Variants in PPARGC1A observed in about 807,000 individuals in gnomAD.
PPARGC1A encodes the protein PPARG coactivator 1 alpha.
A neutral mutation model predicts 88.7 loss-of-function variants in PPARGC1A; 25 were observed. The ratio of observed to expected loss-of-function variants is 0.28; its 90% CI spans 0.21 to 0.39. The LOEUF (loss-of-function observed/expected upper bound fraction) is 0.39, where lower values mean the gene tolerates loss of function less well. PPARGC1A is among the 10% of genes least tolerant of loss of function. The probability of loss-of-function intolerance (pLI) is 1.00; values close to 1 mark genes in which losing one functional copy is unlikely to be tolerated. For synonymous variants in PPARGC1A, 363 were observed against 355.6 expected (o/e 1.02, Z -0.24); for missense variants, 880 against 968.7 (o/e 0.91, Z 1.22).
chr4:23,847,704 C>T (rs1174804056), intron 2 of PPARGC1A, among the ~76,000 whole-genome samples: 1 of 152,086 alleles, frequency 6.6e-6, no homozygotes, highest in Non-Finnish European at 1.5e-5. Context: ...GAAACATAGC[C>T]ATTAAATATT....
At chr4:24,370,962 G>C in the PPARGC1A span, among the ~76,000 whole-genome samples, 2 of 151,688 alleles carry the variant, frequency 1.3e-5, no homozygotes, top group Non-Finnish European at 2.9e-5. Flanking sequence ...CCTGGTGTGT[G>C]ATGTTCCCCT....
chr4:24,471,677 G>A, the PPARGC1A span, among the ~76,000 whole-genome samples: 3 of 152,216 alleles, frequency 2.0e-5, no homozygotes, highest in Admixed American at 2.0e-4. The surrounding 1 kb of genome is among the most constrained non-coding windows in gnomAD (Gnocchi z 5.4). Flanking sequence ...ACACCGACAC[G>A]CACACCTACA....
At chr4:23,814,732 G>A in intron 7 of PPARGC1A, 127 bp from the exon 8 acceptor site, 1 of 877,206 alleles carries the variant, frequency 1.1e-6, no homozygotes, top group Non-Finnish European at 1.6e-6. Flanking sequence ...CAAACTGAGT[G>A]AAGAAGAAGG....
intron 2 of PPARGC1A, 128 bp from the exon 3 acceptor site, chr4:23,831,879 G>A: frequency 1.4e-6 from 1 of 726,610 alleles, no homozygotes; most frequent in South Asian, 1.8e-5. Flanking sequence ...AGAACACAAA[G>A]ATCATGTCTT....
chr4:24,139,513 T>C, the PPARGC1A span, among the ~76,000 whole-genome samples: 3 of 152,186 alleles, frequency 2.0e-5, no homozygotes, highest in South Asian at 2.1e-4. Context: ...AAACATTTTT[T>C]ACAGACAATA....
chr4:24,102,503 G>A, the PPARGC1A span, among the ~76,000 whole-genome samples: 3 of 152,146 alleles, frequency 2.0e-5, no homozygotes, highest in Admixed American at 2.0e-4. Flanking sequence ...TTTCTTCCAG[G>A]GTCCCCTTTG....
At chr4:23,936,609 C>A in the PPARGC1A span, among the ~76,000 whole-genome samples, 1 of 152,078 alleles carries the variant, frequency 6.6e-6, no homozygotes, top group Admixed American at 6.6e-5. Flanking sequence ...TGGTGGCAGG[C>A]GCCTGTAATC....
the PPARGC1A span, among the ~76,000 whole-genome samples, chr4:24,382,167 T>C: frequency 1.9e-5 from 1 of 52,510 alleles, no homozygotes; most frequent in Admixed American, 1.5e-4. Flanking sequence ...AATTCAACAA[T>C]GGAGAAAAAA....
the PPARGC1A span, among the ~76,000 whole-genome samples, chr4:24,082,373 G>A: frequency 6.6e-6 from 1 of 152,114 alleles, no homozygotes; most frequent in Non-Finnish European, 1.5e-5. Flanking sequence ...ATCCTAGGAC[G>A]GCTTGATAAC....
the PPARGC1A span, among the ~76,000 whole-genome samples, chr4:24,246,201 A>C: frequency 1.3e-5 from 2 of 152,300 alleles, no homozygotes; most frequent in East Asian, 3.9e-4. Flanking sequence ...CAATAATATC[A>C]ATCAAATAAT....
the PPARGC1A span, among the ~76,000 whole-genome samples, chr4:24,034,547 A>G: frequency 6.6e-6 from 1 of 152,182 alleles, no homozygotes; most frequent in Admixed American, 6.5e-5. Flanking sequence ...CACAGGAGAA[A>G]TAATACTTTG....
intron 2 of PPARGC1A, among the ~76,000 whole-genome samples, chr4:23,871,972 T>C (rs1713472305): frequency 6.6e-6 from 1 of 152,084 alleles, no homozygotes; most frequent in African/African-American, 2.4e-5. Context: ...TCGGTAGCAT[T>C]CTTCCTGCAC....
At chr4:24,096,330 C>T in the PPARGC1A span, among the ~76,000 whole-genome samples, 1 of 152,106 alleles carries the variant, frequency 6.6e-6, no homozygotes, top group Non-Finnish European at 1.5e-5. Context: ...TCAGTTAGTT[C>T]TTTATAGCAG....
the PPARGC1A span, among the ~76,000 whole-genome samples, chr4:24,055,450 G>A: frequency 6.6e-6 from 1 of 152,102 alleles, no homozygotes; most frequent in Non-Finnish European, 1.5e-5. Context: ...GAAGGAAGGA[G>A]GGAGAAACAA....
At chr4:24,451,734 C>G in the PPARGC1A span, among the ~76,000 whole-genome samples, 8 of 152,166 alleles carry the variant, frequency 5.3e-5, no homozygotes, top group Non-Finnish European at 8.8e-5. Flanking sequence ...CACGCCACCA[C>G]ACCCAACTAA....
chr4:24,067,275 A>AAC, the PPARGC1A span, among the ~76,000 whole-genome samples: 36,850 of 152,082 alleles, frequency 0.24, 4,758 homozygotes, highest in Admixed American at 0.36. Flanking sequence ...AGAGAAACAG[A>AAC]ACACAATGCA....
the PPARGC1A span, among the ~76,000 whole-genome samples, chr4:23,969,735 A>T: frequency 6.6e-6 from 1 of 152,094 alleles, no homozygotes. Context: ...CATTCTGATG[A>T]TTTATTTCTT....
At chr4:23,916,227 G>A in the PPARGC1A span, among the ~76,000 whole-genome samples, 1 of 152,128 alleles carries the variant, frequency 6.6e-6, no homozygotes, top group African/African-American at 2.4e-5. Context: ...GTAAAACATG[G>A]ATAATAACTA....
At chr4:23,996,538 C>T in the PPARGC1A span, among the ~76,000 whole-genome samples, 1 of 152,116 alleles carries the variant, frequency 6.6e-6, no homozygotes, top group Non-Finnish European at 1.5e-5. Context: ...GGGGAGTAGG[C>T]TTTGAGTTCT....
Sources: gnomAD v4.1 joint callset for allele counts (sites outside exome capture counted in the v4.1 genomes callset) on GRCh38, gnomAD v4.1.1 for gene constraint, Gnocchi (gnomAD v3.1) non-coding constraint, MANE v1.5 for transcripts, NCBI Gene and HGNC (gene_info 2026-07-23, HGNC 2026-07-21) for gene names.